Variants in ELMO2 observed in about 807,000 individuals in gnomAD.
ELMO2 encodes engulfment and cell motility protein 2.
A neutral mutation model predicts 96.2 loss-of-function variants in ELMO2; 37 were observed. The observed-to-expected ratio is 0.38, with a 90% confidence interval of 0.30 to 0.51. The LOEUF is 0.51. Among genes scored for constraint, ELMO2 ranks in the 20% least tolerant of loss-of-function variants. The probability of loss-of-function intolerance (pLI) is 0.88; values close to 1 mark genes in which losing one functional copy is unlikely to be tolerated. For missense variants in ELMO2, 561 were observed against 912.6 expected (o/e 0.61, Z 4.96); for synonymous variants, 315 against 329.4 (o/e 0.96, Z 0.47).
chr20:46,399,167 C>T (rs1460396781), intron 1 of ELMO2, among the ~76,000 whole-genome samples: 2 of 152,134 alleles, frequency 1.3e-5, no homozygotes, highest in Admixed American at 6.5e-5. Flanking sequence ...TGGCTCTGCA[C>T]CTGACCCGCA....
chr20:46,370,224 G>C, intron 20 of ELMO2: 2 of 672,376 alleles, frequency 3.0e-6, no homozygotes, highest in South Asian at 3.0e-5. Flanking sequence ...AAGCGATAAA[G>C]GAGAGAAACA....
chr20:46,372,466 A>G (rs2030859561), intron 16 of ELMO2, among the ~76,000 whole-genome samples: 1 of 152,206 alleles, frequency 6.6e-6, no homozygotes, highest in Non-Finnish European at 1.5e-5. Flanking sequence ...CCCCGTCTCT[A>G]CTAAAAATAC....
chr20:46,383,353 T>C (rs2059989379), intron 10 of ELMO2, 63 bp downstream of exon 10: 2 of 1,468,358 alleles, frequency 1.4e-6, no homozygotes, highest in Admixed American at 1.7e-5. Flanking sequence ...TAGCAAAGAG[T>C]GCATGGGGTG....
Position 46,367,578 on chromosome 20 carries a change from C to A in ELMO2, c.1963-18G>T. ...ATGCAGTACTGTGGGGAGCAAGTTGCAAAATGTCACATCGTGACCCCTGGT... is the reference window on the plus strand; with the variant it reads ...ATGCAGTACTGTGGGGAGCAAGTTGAAAAATGTCACATCGTGACCCCTGGT... On this transcript the variant is annotated intron_variant, in intron 21 of 21. Coordinates refer to ENST00000290246, the MANE Select transcript of ELMO2 (RefSeq NM_133171.5). The A allele has an allele frequency of 6.3e-7, 1 of 1,585,464 alleles. No homozygotes were observed. Among genetic ancestry groups the A allele is most frequent in the South Asian group, 1.1e-5 (1 of 87,052 alleles).
rs202085930 is a variant in ELMO2, at chr20:46,367,422, C to T, written c.2101G>A (p.Glu701Lys). The change falls in exon 22 of 22, where the codon GAA (glutamate) becomes AAA (lysine). Residue 701 changes from glutamate to lysine, a missense_variant. By Grantham distance (56) the Glu-to-Lys change is moderately conservative. Coordinates refer to ENST00000290246, the MANE Select transcript of ELMO2 (RefSeq NM_133171.5). ...LLDLENIQIP[E>K]APPPIPKEPS... is the part of the protein sequence containing the mutation. ...TCCTTGGGGATGGGGGGTGGGGCTT[C>T]GGGAATCTGGATGTTCTCCAGGTCC... is the stretch of plus-strand genomic sequence containing the variant. 12 of 1,611,642 alleles carry T rather than the reference C, an allele frequency of 7.4e-6. No individual in the cohort carries two copies. The highest frequency in any genetic ancestry group is 2.2e-5 in the East Asian group (1 of 44,694).
Position 46,393,550 on chromosome 20 carries a change from A to T in ELMO2, c.171T>A (p.Pro57=). 6.2e-7 allele frequency: 1 copy of T among 1,614,200 alleles called. No individual in the cohort carries two copies. Among genetic ancestry groups the T allele is most frequent in the Non-Finnish European group, 8.5e-7 (1 of 1,180,044 alleles). Residue 57 remains proline, a synonymous_variant, in exon 5 of 22, where the codon CCT becomes CCA. Transcript: ENST00000290246. The stretch of plus-strand genomic sequence containing the variant: ...TAACCTGTTCGGTGATGTACAGCTG[A>T]GGACCATCTGCATAACGGAGGGTAT... The part of the protein sequence containing the change: ...EYYTLRYADG[P]QLYITEQTRS...
chr20:46,396,476 C>A (rs1446821608), intron 2 of ELMO2, among the ~76,000 whole-genome samples: 1 of 152,098 alleles, frequency 6.6e-6, no homozygotes, highest in Non-Finnish European at 1.5e-5. Flanking sequence ...GCACTCAAAA[C>A]GAGACACTGA....
chr20:46,373,176 A>G, intron 16 of ELMO2: 1 of 555,856 alleles, frequency 1.8e-6, no homozygotes, highest in Non-Finnish European at 3.1e-6. Flanking sequence ...ACTTCAATGG[A>G]CAAATGAGGG....
intron 20 of ELMO2, chr20:46,370,039 T>G: frequency 2.8e-6 from 1 of 354,560 alleles, no homozygotes; most frequent in South Asian, 2.2e-5. Context: ...TGTAGAGAAA[T>G]TATGACATTT....
At chr20:46,379,327 C>T (rs554835285) in intron 11 of ELMO2, among the ~76,000 whole-genome samples, 1 of 152,074 alleles carries the variant, frequency 6.6e-6, no homozygotes, top group East Asian at 1.9e-4. Context: ...ATCCTTGGCT[C>T]TCCTCCTCCA....
intron 1 of ELMO2, among the ~76,000 whole-genome samples, chr20:46,404,681 A>G (rs1420531066): frequency 6.6e-6 from 1 of 152,240 alleles, no homozygotes; most frequent in Non-Finnish European, 1.5e-5. Flanking sequence ...AAAGTGGCAC[A>G]GGCTGCCCTC....
intron 11 of ELMO2, chr20:46,376,800 T>C (rs1426097011): frequency 1.6e-6 from 2 of 1,288,924 alleles, no homozygotes; most frequent in African/African-American, 3.0e-5. Context: ...ATTTCCCTAC[T>C]CAGTAGCTCT....
chr20:46,394,013 C>T, intron 4 of ELMO2, 36 bp downstream of exon 4: 6 of 1,613,730 alleles, frequency 3.7e-6, no homozygotes, highest in Non-Finnish European at 5.1e-6. Flanking sequence ...TCAGTCGGAG[C>T]TGCCACTGTT....
chr20:46,368,560 G>T (rs1168204667), intron 21 of ELMO2, among the ~76,000 whole-genome samples: 8 of 152,156 alleles, frequency 5.3e-5, no homozygotes. Context: ...TATGGCTGCT[G>T]CTGAAGAGTA....
intron 1 of ELMO2, among the ~76,000 whole-genome samples, chr20:46,405,311 T>G (rs1339972789): frequency 6.6e-6 from 1 of 152,096 alleles, no homozygotes; most frequent in Non-Finnish European, 1.5e-5. Flanking sequence ...AGCGGAGATC[T>G]GAAGGATGAA....
intron 7 of ELMO2, among the ~76,000 whole-genome samples, chr20:46,388,355 G>C (rs542494086): frequency 6.6e-6 from 1 of 152,324 alleles, no homozygotes; most frequent in East Asian, 1.9e-4. Flanking sequence ...AATTTCAATA[G>C]TTGATCTATG....
chr20:46,374,242 C>T, intron 15 of ELMO2, 90 bp downstream of exon 15: 1 of 1,072,830 alleles, frequency 9.3e-7, no homozygotes, highest in South Asian at 1.3e-5. Flanking sequence ...ACGCCCGACC[C>T]CACTGACATG....
chr20:46,370,967 G>A (rs2059690495), intron 19 of ELMO2, among the ~76,000 whole-genome samples: 1 of 152,198 alleles, frequency 6.6e-6, no homozygotes. Flanking sequence ...GGAAAGTGTG[G>A]CTATTATTCC....
At chr20:46,374,098 GTTTT>G (rs60843274) in intron 15 of ELMO2, among the ~76,000 whole-genome samples, 1 of 63,028 alleles carries the variant, frequency 1.6e-5, no homozygotes. Context: ...CTAATTTTTG[GTTTT>G]TTTTTTTTTT....
Sources: gnomAD v4.1 joint callset for allele counts (sites outside exome capture counted in the v4.1 genomes callset) on GRCh38, gnomAD v4.1.1 for gene constraint, MANE v1.5 for transcripts, NCBI Gene and HGNC (gene_info 2026-07-23, HGNC 2026-07-21) for gene names.